The following SLC24A3 variants were observed in gnomAD, a reference collection of about 807,000 sequenced individuals.
SLC24A3 encodes solute carrier family 24 member 3, also known as sodium/potassium/calcium exchanger 3.
A neutral mutation model predicts 75.8 loss-of-function variants in SLC24A3; 28 were observed. The observed-to-expected ratio is 0.37, with a 90% CI of 0.27 to 0.51. The LOEUF (loss-of-function observed/expected upper bound fraction) is 0.51. Ranked by LOEUF, SLC24A3 falls within the 20% of genes least tolerant of loss-of-function variation. SLC24A3 has a pLI of 0.94. For missense variants in SLC24A3, 663 were observed against 847.8 expected (o/e 0.78, Z 2.71); for synonymous variants, 372 against 334.1 (o/e 1.11, Z -1.24).
intron 2 of SLC24A3, among the ~76,000 whole-genome samples, chr20:19,412,580 A>G (rs911316945): frequency 2.7e-5 from 4 of 147,770 alleles, no homozygotes; most frequent in African/African-American, 1.0e-4. Flanking sequence ...ACGAGGAGAA[A>G]GGAGGGCAGG....
At chr20:19,705,263 C>T (rs2032916547) in intron 15 of SLC24A3, among the ~76,000 whole-genome samples, 1 of 152,164 alleles carries the variant, frequency 6.6e-6, no homozygotes, top group Admixed American at 6.5e-5. Flanking sequence ...GCCATGGTAA[C>T]TGATATTTCT....
chr20:19,394,482 A>G (rs945814907), intron 2 of SLC24A3, among the ~76,000 whole-genome samples: 2 of 152,222 alleles, frequency 1.3e-5, no homozygotes, highest in Admixed American at 6.5e-5. Context: ...AATATCCAGG[A>G]TATATAAGGA....
chr20:19,509,317 T>G (rs1319969696), intron 2 of SLC24A3, among the ~76,000 whole-genome samples: 1 of 152,142 alleles, frequency 6.6e-6, no homozygotes, highest in African/African-American at 2.4e-5. Flanking sequence ...GCTCAAGCCT[T>G]AAAAAATGCG....
At chr20:19,525,400 CA>C (rs2030180025) in intron 3 of SLC24A3, among the ~76,000 whole-genome samples, 1 of 152,124 alleles carries the variant, frequency 6.6e-6, no homozygotes, top group Non-Finnish European at 1.5e-5. Flanking sequence ...CCAGGAAGTC[CA>C]CTATGGGGAG....
intron 2 of SLC24A3, among the ~76,000 whole-genome samples, chr20:19,430,644 C>T (rs1987085037): frequency 1.3e-5 from 2 of 152,152 alleles, no homozygotes; most frequent in African/African-American, 4.8e-5. Flanking sequence ...TGAGATGCTC[C>T]TGCTGCAGCC....
intron 7 of SLC24A3, 73 bp from the exon 8 acceptor site, chr20:19,665,791 G>A (rs888475385): frequency 2.8e-6 from 4 of 1,420,716 alleles, no homozygotes. Context: ...CAGCCTTAAA[G>A]CGTGTGTGTG....
intron 6 of SLC24A3, among the ~76,000 whole-genome samples, chr20:19,644,433 C>G (rs1392279920): frequency 1.3e-5 from 2 of 152,164 alleles, no homozygotes; most frequent in African/African-American, 4.8e-5. Context: ...TTCTAACCAG[C>G]TCCCCGGCGA....
rs138882426 is a variant in SLC24A3, at chr20:19,636,119, G to A, written c.613-17943G>A. On this transcript the variant is annotated intron_variant, in intron 6 of 16. Coordinates refer to ENST00000328041, the MANE Select transcript of SLC24A3 (RefSeq NM_020689.4). ...CGTGCCACTGCACTTCAGCCTGGGC[G>A]ACAGAGCGAGACTCCATCTCAAAAA... Among the ~76,000 whole-genome samples the A allele has an allele frequency of 9.5e-3, 1,421 of 150,368 alleles. 24 individuals are homozygous for A. Among genetic ancestry groups the A allele is most frequent in the African/African-American group, 0.034 (1,361 of 40,076 alleles).
chr20:19,469,278 G>A (rs374972111), intron 2 of SLC24A3, among the ~76,000 whole-genome samples: 2 of 152,142 alleles, frequency 1.3e-5, no homozygotes, highest in South Asian at 4.1e-4. Flanking sequence ...CAAAGGGTCT[G>A]GGACTCGAAC....
intron 2 of SLC24A3, among the ~76,000 whole-genome samples, chr20:19,388,975 G>A (rs1310337573): frequency 6.6e-6 from 1 of 151,650 alleles, no homozygotes; most frequent in African/African-American, 2.4e-5. Context: ...TTGTAGTGAT[G>A]CGCTTTGATT....
intron 2 of SLC24A3, among the ~76,000 whole-genome samples, chr20:19,418,828 T>A (rs1016138245): frequency 6.6e-6 from 1 of 152,046 alleles, no homozygotes; most frequent in Non-Finnish European, 1.5e-5. Context: ...TGGAAGTAAG[T>A]CTGTTTGGGT....
At chr20:19,584,911 T>A in intron 4 of SLC24A3, 60 bp from the exon 5 acceptor site, 1 of 1,507,712 alleles carries the variant, frequency 6.6e-7, no homozygotes, top group Non-Finnish European at 9.1e-7. Context: ...GGTGTCACAG[T>A]CACCTCTCTT....
chr20:19,561,745 T>C lies in SLC24A3; in HGVS notation c.349-18255T>C, dbSNP rs190763548. Among the ~76,000 whole-genome samples, 71 of 152,330 alleles carry C rather than the reference T, an allele frequency of 4.7e-4. No homozygotes were observed. In the Middle Eastern group the frequency reaches 0.01, roughly 22 times the overall value. The stretch of plus-strand genomic sequence containing the variant: ...GAATTTTGCACATATTATCCACTTT[T>C]AAAACAACCATATGAGGTTGGCACT... On this transcript the variant is annotated intron_variant, in intron 3 of 16. Transcript: ENST00000328041.
intron 2 of SLC24A3, among the ~76,000 whole-genome samples, chr20:19,327,828 G>A (rs1280144710): frequency 6.6e-6 from 1 of 152,156 alleles, no homozygotes; most frequent in Non-Finnish European, 1.5e-5. Context: ...CACCCACTGT[G>A]TGTCACTCAT....
At chr20:19,533,277 C>G (rs1421449353) in intron 3 of SLC24A3, among the ~76,000 whole-genome samples, 2 of 152,170 alleles carry the variant, frequency 1.3e-5, no homozygotes, top group Non-Finnish European at 2.9e-5. Context: ...GGTGGCTTCT[C>G]TCTCTAACAG....
intron 2 of SLC24A3, among the ~76,000 whole-genome samples, chr20:19,347,375 C>T (rs568477806): frequency 6.6e-6 from 1 of 152,204 alleles, no homozygotes; most frequent in East Asian, 1.9e-4. Context: ...AGCCATGCAC[C>T]TCAGTTAATA....
At chr20:19,540,821 A>G (rs2030483245) in intron 3 of SLC24A3, among the ~76,000 whole-genome samples, 2 of 152,248 alleles carry the variant, frequency 1.3e-5, no homozygotes, top group Non-Finnish European at 2.9e-5. Flanking sequence ...CCCTTTATAT[A>G]GGGCAGCCTT....
At chr20:19,625,916 T>C (rs1219255130) in intron 6 of SLC24A3, among the ~76,000 whole-genome samples, 1 of 152,178 alleles carries the variant, frequency 6.6e-6, no homozygotes, top group Non-Finnish European at 1.5e-5. Flanking sequence ...GTAAATCTAT[T>C]CATCTGATTC....
intron 1 of SLC24A3, among the ~76,000 whole-genome samples, chr20:19,222,994 TAAG>T (rs1237579065): frequency 6.6e-6 from 1 of 152,032 alleles, no homozygotes; most frequent in Non-Finnish European, 1.5e-5. Flanking sequence ...CACACAGTCA[TAAG>T]AAGTAATACA....
Sources: allele counts gnomAD v4.1 joint callset (sites outside exome capture counted in the v4.1 genomes callset), GRCh38; gene constraint gnomAD v4.1.1; transcripts MANE v1.5; gene names NCBI Gene and HGNC (gene_info 2026-07-23, HGNC 2026-07-21).